Variants in LMO7 observed in about 807,000 individuals in gnomAD.
LMO7 encodes LIM domain 7.
A neutral mutation model predicts 206.5 loss-of-function variants in LMO7; 120 were observed. The observed-to-expected ratio is 0.58, with a 90% CI of 0.50 to 0.68. LMO7 has a LOEUF of 0.68. LMO7 is among the 30% of genes least tolerant of loss of function. The pLI is 0.00. For missense variants in LMO7, 1,959 were observed against 1,957.9 expected (o/e 1.00, Z -0.01); for synonymous variants, 706 against 681.5 (o/e 1.04, Z -0.56).
chr13:75,678,246 T>C (rs1195943844), intron 1 of LMO7, among the ~76,000 whole-genome samples: 1 of 152,244 alleles, frequency 6.6e-6, no homozygotes, highest in Non-Finnish European at 1.5e-5. Flanking sequence ...TGAACTAGTT[T>C]ACAGTCCCAC....
intron 7 of LMO7, 42 bp from the exon 8 acceptor site, chr13:75,804,247 A>G (rs775076582): frequency 5.0e-6 from 8 of 1,586,674 alleles, no homozygotes; most frequent in Non-Finnish European, 6.9e-6. Flanking sequence ...AGTTAGGCGA[A>G]TAATCTGGAG....
chr13:75,731,717 C>T (rs2045246800), intron 3 of LMO7, among the ~76,000 whole-genome samples: 1 of 151,842 alleles, frequency 6.6e-6, no homozygotes, highest in Non-Finnish European at 1.5e-5. Flanking sequence ...GTAGTTTCTT[C>T]CTAGTCTCGA....
At chr13:75,732,749 T>C (rs2045379618) in intron 3 of LMO7, among the ~76,000 whole-genome samples, 2 of 152,176 alleles carry the variant, frequency 1.3e-5, no homozygotes, top group African/African-American at 4.8e-5. Context: ...CCCATCTTTG[T>C]GGTTTTGTCG....
intron 1 of LMO7, among the ~76,000 whole-genome samples, chr13:75,647,696 TA>T (rs76316523): frequency 0.19 from 29,238 of 150,834 alleles, 3,573 homozygotes; most frequent in Admixed American, 0.35. Context: ...TGTTTAGAAA[TA>T]AAAAAAAATA....
At chr13:75,781,474 T>C (rs1447330606) in intron 4 of LMO7, among the ~76,000 whole-genome samples, 1 of 151,834 alleles carries the variant, frequency 6.6e-6, no homozygotes, top group East Asian at 1.9e-4. Context: ...TTTTTATGGC[T>C]GCATAGTATT....
intron 1 of LMO7, among the ~76,000 whole-genome samples, chr13:75,693,315 G>A (rs527788412): frequency 6.6e-5 from 10 of 152,300 alleles, no homozygotes; most frequent in African/African-American, 2.4e-4. Flanking sequence ...GCAATTTTAA[G>A]TCTTTTTGTG....
At chr13:75,625,210 A>G (rs2033865213) in intron 2 of LMO7, among the ~76,000 whole-genome samples, 1 of 152,226 alleles carries the variant, frequency 6.6e-6, no homozygotes, top group African/African-American at 2.4e-5. Context: ...AAATATGTCT[A>G]GCAAAGAATT....
chr13:75,855,122 A>C, intron 28 of LMO7, 138 bp from the exon 29 acceptor site: 1 of 519,874 alleles, frequency 1.9e-6, no homozygotes, highest in Admixed American at 3.3e-5. Context: ...GTTGGCTGGT[A>C]AAAGTTATTC....
At chr13:75,671,209 C>CTT (rs36091764) in intron 1 of LMO7, among the ~76,000 whole-genome samples, 17,232 of 147,080 alleles carry the variant, frequency 0.12, 1,099 homozygotes, top group Middle Eastern at 0.22. Flanking sequence ...TACAGTTAAC[C>CTT]TTTTTTTTTT....
At chr13:75,837,514 G>T (rs573892468) in intron 19 of LMO7, among the ~76,000 whole-genome samples, 2 of 152,162 alleles carry the variant, frequency 1.3e-5, no homozygotes, top group African/African-American at 4.8e-5. Context: ...TTATGCCATA[G>T]TCTTGTGACA....
chr13:75,681,055 A>C (rs1319952946), intron 1 of LMO7, among the ~76,000 whole-genome samples: 1 of 151,498 alleles, frequency 6.6e-6, no homozygotes, highest in Non-Finnish European at 1.5e-5. Context: ...ATAGATTCTG[A>C]ATATTAGACC....
At chr13:75,749,889 G>A (rs1296648622) in intron 3 of LMO7, among the ~76,000 whole-genome samples, 1 of 151,286 alleles carries the variant, frequency 6.6e-6, no homozygotes, top group East Asian at 1.9e-4. Flanking sequence ...AAATGGCTGA[G>A]ACTGACTGCT....
intron 3 of LMO7, among the ~76,000 whole-genome samples, chr13:75,735,116 CG>C (rs2045670571): frequency 1.4e-5 from 2 of 145,602 alleles, no homozygotes; most frequent in Non-Finnish European, 3.0e-5. Context: ...AAAAAAATTA[CG>C]TGTGTGTGTG....
At chr13:75,777,653 TTTTTTTTTTTGAGACAG>T (rs1342382862) in intron 4 of LMO7, among the ~76,000 whole-genome samples, 2 of 149,668 alleles carry the variant, frequency 1.3e-5, no homozygotes, top group African/African-American at 4.9e-5. Context: ...TCTTGTTTTT[TTTTTTTTTTTGAGACAG>T]AGTCTCGCTC....
chr13:75,636,560 G>A lies in LMO7; in HGVS notation c.-98G>A, dbSNP rs1481688266. 1 of 1,531,094 alleles carries A rather than the reference G, an allele frequency of 6.5e-7. No individual in the cohort carries two copies. The highest frequency in any genetic ancestry group is 1.2e-5 in the South Asian group (1 of 83,330). The allele number at this position is 1,531,094 out of a possible 1,614,324, so 94.8% of individuals were successfully genotyped here. A position where few individuals can be genotyped will look rare whatever the true frequency, so the allele number is the denominator to read the frequency against. On this transcript the variant is annotated 5_prime_UTR_variant, in exon 1 of 31. Transcript: ENST00000377534. ...CGGAGCGGAAGCCGGAGTTGTGGGA[G>A]GCCCGCGTGCCCTCCCCGCCCGTGG...
At chr13:75,695,591 C>T (rs951530618) in intron 1 of LMO7, among the ~76,000 whole-genome samples, 7 of 152,190 alleles carry the variant, frequency 4.6e-5, no homozygotes, top group Admixed American at 1.3e-4. Context: ...GTGATCTGCC[C>T]GCCTTGGCCT....
intron 2 of LMO7, among the ~76,000 whole-genome samples, chr13:75,719,590 C>G (rs1455411206): frequency 1.3e-5 from 2 of 152,100 alleles, no homozygotes. Context: ...GTGTGTGGCA[C>G]TTCCCCCTTC....
At chr13:75,665,166 G>T (rs1032264881) in intron 1 of LMO7, among the ~76,000 whole-genome samples, 4 of 151,504 alleles carry the variant, frequency 2.6e-5, no homozygotes, top group Non-Finnish European at 5.9e-5. Context: ...GTTACCCTTG[G>T]GTAGAATATC....
intron 23 of LMO7, 97 bp downstream of exon 23, chr13:75,841,298 A>G (rs865797835): frequency 2.6e-6 from 2 of 772,910 alleles, no homozygotes; most frequent in Middle Eastern, 2.5e-4. Flanking sequence ...TCCACCTTTG[A>G]CCATATGTTC....
Sources: allele counts gnomAD v4.1 joint callset (sites outside exome capture counted in the v4.1 genomes callset), GRCh38; gene constraint gnomAD v4.1.1; transcripts MANE v1.5; gene names NCBI Gene and HGNC (gene_info 2026-07-23, HGNC 2026-07-21).